Variants in THRB observed in about 807,000 individuals in gnomAD.
THRB encodes the protein thyroid hormone receptor beta.
A neutral mutation model predicts 47.8 loss-of-function variants in THRB; 12 were observed. The observed-to-expected ratio is 0.25, with a 90% confidence interval of 0.16 to 0.41. The LOEUF is 0.41. Ranked by LOEUF, THRB falls within the 10% of genes least tolerant of loss-of-function variation. The probability of loss-of-function intolerance (pLI) is 1.00; values close to 1 mark genes in which losing one functional copy is unlikely to be tolerated. For synonymous variants in THRB, 218 were observed against 212.2 expected (o/e 1.03, Z -0.24); for missense variants, 348 against 589.2 (o/e 0.59, Z 4.24).
intron 4 of THRB, among the ~76,000 whole-genome samples, chr3:24,222,927 G>C (rs1236713648): frequency 1.3e-5 from 2 of 152,164 alleles, no homozygotes; most frequent in African/African-American, 4.8e-5. Flanking sequence ...TGGGGAGACA[G>C]GAATTCAGGA....
intron 3 of THRB, among the ~76,000 whole-genome samples, chr3:24,287,712 G>T (rs905655343): frequency 6.6e-6 from 1 of 152,118 alleles, no homozygotes; most frequent in Non-Finnish European, 1.5e-5. Context: ...AATGTTTTTG[G>T]GATGATGTGG....
At chr3:24,275,055 T>C (rs1393567918) in intron 3 of THRB, among the ~76,000 whole-genome samples, 7 of 152,192 alleles carry the variant, frequency 4.6e-5, no homozygotes, top group Non-Finnish European at 1.0e-4. Flanking sequence ...CAAGTAAGCT[T>C]AGTTCTTGAT....
At chr3:24,128,861 C>CTTTTTTT (rs2033354063) in intron 9 of THRB, among the ~76,000 whole-genome samples, 1 of 58,256 alleles carries the variant, frequency 1.7e-5, no homozygotes. Flanking sequence ...GGAAACATAA[C>CTTTTTTT]TCTTTTTTTT....
At chr3:24,150,378 A>G in intron 6 of THRB, among the ~76,000 whole-genome samples, 1 of 152,186 alleles carries the variant, frequency 6.6e-6, no homozygotes, top group East Asian at 1.9e-4. Flanking sequence ...TTGTCATTAT[A>G]TTAAGTGATC....
intron 2 of THRB, among the ~76,000 whole-genome samples, chr3:24,325,013 A>G (rs991319008): frequency 6.6e-6 from 1 of 152,218 alleles, no homozygotes; most frequent in African/African-American, 2.4e-5. Context: ...GCAGGCTCTT[A>G]TGTAGTCAGG....
At chr3:24,407,067 C>T (rs1366953842) in intron 1 of THRB, among the ~76,000 whole-genome samples, 1 of 151,682 alleles carries the variant, frequency 6.6e-6, no homozygotes, top group Admixed American at 6.6e-5. Context: ...TTTAGATAAA[C>T]TGAACTGAGA....
chr3:24,221,595 G>A (rs184869739), intron 4 of THRB, among the ~76,000 whole-genome samples: 1 of 152,288 alleles, frequency 6.6e-6, no homozygotes, highest in East Asian at 1.9e-4. Context: ...TTTGTAAAGG[G>A]TGCCTTCTGT....
At chr3:24,372,176 T>C (rs2064968797) in intron 1 of THRB, among the ~76,000 whole-genome samples, 1 of 152,092 alleles carries the variant, frequency 6.6e-6, no homozygotes, top group Admixed American at 6.6e-5. Flanking sequence ...GGGTGTATAA[T>C]TCAAATCATT....
chr3:24,155,078 T>C (rs1291457116), intron 5 of THRB, among the ~76,000 whole-genome samples: 1 of 152,164 alleles, frequency 6.6e-6, no homozygotes, highest in African/African-American at 2.4e-5. Context: ...GGCTTTATCT[T>C]TTGGCATTGG....
At chr3:24,135,013 C>T (rs922304775) in intron 8 of THRB, among the ~76,000 whole-genome samples, 1 of 152,144 alleles carries the variant, frequency 6.6e-6, no homozygotes, top group East Asian at 1.9e-4. Flanking sequence ...GATTTCTGGG[C>T]CCCATCCCCA....
chr3:24,247,156 T>G (rs75686782), intron 3 of THRB, among the ~76,000 whole-genome samples: 16,231 of 152,196 alleles, frequency 0.11, 2,229 homozygotes, highest in African/African-American at 0.32. Context: ...TTGTGTTCAA[T>G]GAAATTGAGT....
chr3:24,293,366 A>G (rs1306536483), intron 3 of THRB, among the ~76,000 whole-genome samples: 1 of 152,248 alleles, frequency 6.6e-6, no homozygotes, highest in Non-Finnish European at 1.5e-5. Context: ...AAAGGAATGA[A>G]AATCAACTAG....
intron 1 of THRB, among the ~76,000 whole-genome samples, chr3:24,385,410 C>T (rs1321986116): frequency 1.3e-5 from 2 of 149,266 alleles, no homozygotes; most frequent in Admixed American, 6.6e-5. Flanking sequence ...TTCACACACA[C>T]ATACACACAC....
At chr3:24,350,021 A>C (rs2063270077) in intron 1 of THRB, among the ~76,000 whole-genome samples, 1 of 152,042 alleles carries the variant, frequency 6.6e-6, no homozygotes, top group Admixed American at 6.6e-5. Flanking sequence ...GAACTCCAAT[A>C]AATCATTAAG....
chr3:24,426,365 C>T (rs2069761357), intron 1 of THRB, among the ~76,000 whole-genome samples: 1 of 151,856 alleles, frequency 6.6e-6, no homozygotes, highest in Non-Finnish European at 1.5e-5. Context: ...CTCTACCAAA[C>T]CCAGGACATA....
chr3:24,217,098 A>C (rs1428163524), intron 4 of THRB, among the ~76,000 whole-genome samples: 1 of 148,614 alleles, frequency 6.7e-6, no homozygotes, highest in East Asian at 1.9e-4. Flanking sequence ...AAGAATTATA[A>C]GATATTAATA....
intron 4 of THRB, among the ~76,000 whole-genome samples, chr3:24,214,445 A>G (rs1455416498): frequency 6.6e-6 from 1 of 152,240 alleles, no homozygotes; most frequent in Non-Finnish European, 1.5e-5. Flanking sequence ...CTATCAAACA[A>G]AACAAATATA....
chr3:24,146,078 G>A (rs1006398984), intron 7 of THRB, among the ~76,000 whole-genome samples: 7 of 152,156 alleles, frequency 4.6e-5, no homozygotes, highest in Non-Finnish European at 8.8e-5. Context: ...TGGGTAGGAC[G>A]ACTTCAGCTC....
intron 3 of THRB, among the ~76,000 whole-genome samples, chr3:24,290,801 G>A (rs1179781508): frequency 4.6e-5 from 7 of 152,172 alleles, no homozygotes; most frequent in Non-Finnish European, 1.0e-4. Flanking sequence ...CAGTCGTCTA[G>A]CCCTAGAAGC....
Sources: allele counts gnomAD v4.1 joint callset (sites outside exome capture counted in the v4.1 genomes callset), GRCh38; gene constraint gnomAD v4.1.1; transcripts MANE v1.5; gene names NCBI Gene and HGNC (gene_info 2026-07-23, HGNC 2026-07-21).